ITPA: variants seen among roughly 807,000 people sequenced by gnomAD.
The protein encoded by ITPA is inosine triphosphatase.
A neutral mutation model predicts 29.6 loss-of-function variants in ITPA; 29 were observed. That is an observed-to-expected ratio of 0.98 (90% CI 0.73 to 1.34). ITPA has a LOEUF of 1.34. Among genes scored for constraint, ITPA ranks in the 40% most tolerant of loss-of-function variants. The pLI is 0.00. For missense variants in ITPA, 241 were observed against 251.5 expected, an observed-to-expected ratio of 0.96 and a Z score of 0.28; for synonymous variants, 103 against 99.3, an observed-to-expected ratio of 1.04 and a Z score of -0.22.
Position 3,218,536 on chromosome 20 carries a change from CG to C in ITPA, c.318del (p.Phe107SerfsTer117), listed in dbSNP as rs1272642317. On this transcript the variant is annotated frameshift_variant, in exon 6 of 8. Transcript: ENST00000380113. LOFTEE classifies it high-confidence loss of function. ...KPEGLHQLLA[G>X]FEDKSAYALC... ...CCGCAGGTCTCCACCAGCTCCTGGC[CG>C]GGTTCGAGGACAAGTCAGCCTATGC... 1.9e-6 allele frequency: 3 copies of C among 1,613,720 alleles called. No homozygotes were observed. The highest frequency in any genetic ancestry group is 2.5e-6 in the Non-Finnish European group (3 of 1,179,976).
At chr20:3,211,555 C>T (rs6084301) in intron 1 of ITPA, among the ~76,000 whole-genome samples, 17,776 of 151,952 alleles carry the variant, frequency 0.12, 1,322 homozygotes, top group Non-Finnish European at 0.16. Context: ...TGCAGTGGCA[C>T]GATCTCAGCT....
downstream of ITPA, among the ~76,000 whole-genome samples, chr20:3,226,940 G>A (rs757804847): frequency 5.3e-5 from 8 of 152,012 alleles, no homozygotes; most frequent in Non-Finnish European, 7.4e-5. This position sits in a 1 kb window ranked among gnomAD's most constrained non-coding sequence, Gnocchi z 4.4. Flanking sequence ...TCCTGCCGTC[G>A]GCAGTCCTCC....
chr20:3,215,793 C>T (rs563550350), intron 5 of ITPA, among the ~76,000 whole-genome samples: 4 of 152,272 alleles, frequency 2.6e-5, no homozygotes, highest in Non-Finnish European at 5.9e-5. Context: ...TCAAGCGATT[C>T]TCCTGCCTTA....
chr20:3,215,134 T>C (rs2067263900), intron 4 of ITPA, 147 bp from the exon 5 acceptor site: 1 of 762,186 alleles, frequency 1.3e-6, no homozygotes, highest in African/African-American at 1.7e-5. Flanking sequence ...CCCAAAGTGC[T>C]GGGATTATAG....
At chr20:3,218,777 C>T (rs1040102399) in intron 6 of ITPA, 145 bp downstream of exon 6, 7 of 701,978 alleles carry the variant, frequency 1.0e-5, no homozygotes, top group East Asian at 8.1e-5. Flanking sequence ...GGCTCCCCTG[C>T]GCAGCATAGG....
chr20:3,206,189 G>C (rs188076621), upstream of ITPA, among the ~76,000 whole-genome samples: 13 of 151,746 alleles, frequency 8.6e-5, no homozygotes, highest in African/African-American at 2.4e-4. Flanking sequence ...AGGAGTTTGA[G>C]ACCAGCCTGA....
At chr20:3,210,763 G>A (rs1013721343) in intron 1 of ITPA, among the ~76,000 whole-genome samples, 16 of 152,118 alleles carry the variant, frequency 1.1e-4, no homozygotes, top group African/African-American at 3.9e-4. Flanking sequence ...TAAAGAAGGA[G>A]CTGGAACCCG....
rs1308176457 is a variant in ITPA, at chr20:3,210,268, G to C, written c.66+651G>C. ...ACTCCTGTGGGAATATAGTGTTATC[G>C]TGTCCCACAGGACCTGAAGTTCTCT... On this transcript the variant is annotated intron_variant, in intron 1 of 7. Transcript: ENST00000380113. Among the ~76,000 whole-genome samples, 3 of 152,202 alleles carry C rather than the reference G, an allele frequency of 2.0e-5. No individual in the cohort carries two copies. In the East Asian group the frequency reaches 5.8e-4, roughly 29 times the overall value.
At chr20:3,214,177 G>T in intron 4 of ITPA, 119 bp downstream of exon 4, 1 of 881,912 alleles carries the variant, frequency 1.1e-6, no homozygotes. Flanking sequence ...AGCCTTTCAC[G>T]TTGTCCCGAG....
At chr20:3,210,572 G>A (rs117189351) in intron 1 of ITPA, among the ~76,000 whole-genome samples, 465 of 152,240 alleles carry the variant, frequency 3.1e-3, no homozygotes, top group Middle Eastern at 6.8e-3. Context: ...TGTAGTGTAG[G>A]GAGGGACTGA....
At position 3,213,375 on chromosome 20, in the gene ITPA, G is replaced by A. The variant is rs1368986252; in HGVS notation, c.181G>A (p.Val61Ile). Residue 61 changes from valine (V) to isoleucine (I), a missense_variant, in exon 3 of 8, where the codon GTT becomes ATT. Transcript: ENST00000380113. ...TTCCATACAGAAATGTCAGGAGGCA[G>A]TTCGCCAGGTGCTTGCCCTGCCCTT... ...EISIQKCQEA[V>I]RQVQGPVLVE... is the part of the protein sequence containing the mutation. The A allele has an allele frequency of 6.2e-7, 1 of 1,613,904 alleles. No homozygotes were observed. Among genetic ancestry groups the A allele is most frequent in the African/African-American group, 1.3e-5 (1 of 74,926 alleles).
chr20:3,215,471 C>T (rs1195717708), intron 5 of ITPA, among the ~76,000 whole-genome samples, 159 bp downstream of exon 5: 1 of 152,186 alleles, frequency 6.6e-6, no homozygotes, highest in East Asian at 1.9e-4. Context: ...AGCTCGTACC[C>T]TGTACTCCAG....
intron 5 of ITPA, among the ~76,000 whole-genome samples, chr20:3,216,513 G>T (rs1454133039): frequency 6.8e-6 from 1 of 147,378 alleles, no homozygotes; most frequent in Non-Finnish European, 1.5e-5. Flanking sequence ...GAGCGCAATG[G>T]CACGATCTCG....
upstream of ITPA, among the ~76,000 whole-genome samples, chr20:3,208,335 A>G (rs2067099637): frequency 6.6e-6 from 1 of 152,158 alleles, no homozygotes; most frequent in South Asian, 2.1e-4. Flanking sequence ...TTCTACTTCA[A>G]TAAAAGAAAA....
downstream of ITPA, among the ~76,000 whole-genome samples, chr20:3,225,664 G>A (rs1275408097): frequency 6.6e-6 from 1 of 152,134 alleles, no homozygotes; most frequent in Non-Finnish European, 1.5e-5. Flanking sequence ...TGGGGCTGAG[G>A]CCCTGGGCCC....
At chr20:3,207,244 C>T (rs1014734606), upstream of ITPA, among the ~76,000 whole-genome samples, 5 of 152,142 alleles carry the variant, frequency 3.3e-5, no homozygotes, top group African/African-American at 1.2e-4. Context: ...TGTGTGCCCC[C>T]AAGCCCAACT....
At chr20:3,213,552 C>A in intron 3 of ITPA, 169 bp downstream of exon 3, 1 of 769,980 alleles carries the variant, frequency 1.3e-6, no homozygotes, top group Non-Finnish European at 2.2e-6. Context: ...CCTTCCTTTG[C>A]CAGCCTTGAA....
At chr20:3,213,521 A>T in intron 3 of ITPA, 138 bp downstream of exon 3, 1 of 1,031,328 alleles carries the variant, frequency 9.7e-7, no homozygotes, top group East Asian at 2.6e-5. Flanking sequence ...GGGTTCAGTT[A>T]ATATTGGCTT....
upstream of ITPA, among the ~76,000 whole-genome samples, chr20:3,208,454 CA>C (rs2067102322): frequency 2.0e-5 from 3 of 152,196 alleles, no homozygotes; most frequent in South Asian, 6.2e-4. Flanking sequence ...CCGCTCACTG[CA>C]ACCCCCACCT....
Sources: allele counts gnomAD v4.1 joint callset (sites outside exome capture counted in the v4.1 genomes callset), GRCh38; gene constraint gnomAD v4.1.1; non-coding constraint Gnocchi (gnomAD v3.1); transcripts MANE v1.5; gene names NCBI Gene and HGNC (gene_info 2026-07-23, HGNC 2026-07-21).